ACTN4: variants seen among roughly 807,000 people sequenced by gnomAD.
The protein encoded by ACTN4 is actinin alpha 4, also known as alpha-actinin-4.
ACTN4 carries 18 observed loss-of-function variants against 114.2 expected under a neutral mutation model. That is an observed-to-expected ratio of 0.16 (90% confidence interval 0.11 to 0.23). The LOEUF is 0.23. Ranked by LOEUF, ACTN4 falls within the 10% of genes least tolerant of loss-of-function variation. The pLI is 1.00. For synonymous variants in ACTN4, 515 were observed against 506.3 expected, an observed-to-expected ratio of 1.02 and a Z score of -0.23; for missense variants, 722 against 1,262.9, an observed-to-expected ratio of 0.57 and a Z score of 6.49.
At chr19:38,665,342 A>G (rs1159294857) in intron 1 of ACTN4, among the ~76,000 whole-genome samples, 1 of 152,154 alleles carries the variant, frequency 6.6e-6, no homozygotes, top group Non-Finnish European at 1.5e-5. Context: ...AAGGGGCATC[A>G]TCCTATCCTC....
rs201128110 is a variant in ACTN4, at chr19:38,718,062, G to A, written c.1279G>A (p.Ala427Thr). 617 of 1,608,976 alleles carry A rather than the reference G, an allele frequency of 3.8e-4. No individual in the cohort carries two copies. The highest frequency in any genetic ancestry group is 5.0e-4 in the Non-Finnish European group (592 of 1,177,888). The change falls in exon 11 of 21, where the codon GCC (alanine) becomes ACC (threonine). Residue 427 changes from alanine (A) to threonine (T), a missense_variant. Ala to Thr is a moderately conservative substitution (Grantham distance 58, BLOSUM62 0). Transcript: ENST00000252699. Reference sequence around the variant, plus strand: ...CCGGCAGAAGGCCTCCATCCACGAGGCCTGGACTGACGGTACGGCCCAGCT... The same window carrying A: ...CCGGCAGAAGGCCTCCATCCACGAGACCTGGACTGACGGTACGGCCCAGCT... ...KFRQKASIHE[A>T]WTDGKEAMLK...
At position 38,730,691 on chromosome 19, in the gene ACTN4, C is replaced by T. The variant is rs745969749; in HGVS notation, c.*1259C>T. On this transcript the variant is annotated 3_prime_UTR_variant, in exon 21 of 21. Coordinates refer to ENST00000252699, the MANE Select transcript of ACTN4 (RefSeq NM_004924.6). ...TGTTCTTGTTTCTGAGTGAGGAGTA[C>T]GCAGGCCAGAGTGGTCACCCGGCCG... 4.0e-5 allele frequency: 31 copies of T among 781,472 alleles called. No individual in the cohort carries two copies. The highest frequency in any genetic ancestry group is 3.5e-4 in the Middle Eastern group (1 of 2,874). The allele number at this position is 781,472 out of a possible 1,614,324, so 48.4% of individuals were successfully genotyped here.
intron 1 of ACTN4, among the ~76,000 whole-genome samples, chr19:38,681,976 G>A (rs1967591211): frequency 6.6e-6 from 1 of 152,086 alleles, no homozygotes; most frequent in African/African-American, 2.4e-5. Flanking sequence ...GACCACAGGG[G>A]CCTACCACCA....
At chr19:38,691,533 G>A (rs1252075134) in intron 1 of ACTN4, among the ~76,000 whole-genome samples, 1 of 151,942 alleles carries the variant, frequency 6.6e-6, no homozygotes, top group Non-Finnish European at 1.5e-5. Flanking sequence ...TGAGTGATGA[G>A]ACAAAACCAG....
intron 1 of ACTN4, among the ~76,000 whole-genome samples, chr19:38,667,323 G>T (rs1387363659): frequency 6.6e-6 from 1 of 151,982 alleles, no homozygotes; most frequent in Non-Finnish European, 1.5e-5. Flanking sequence ...GAGTTGGTGG[G>T]ATTAAAAAAT....
chr19:38,676,260 A>C (rs1053395330), intron 1 of ACTN4, among the ~76,000 whole-genome samples: 2 of 152,248 alleles, frequency 1.3e-5, no homozygotes, highest in East Asian at 3.8e-4. Flanking sequence ...CCTGAGTTCC[A>C]GAAAGCCAAC....
At chr19:38,698,529 G>A (rs889376271) in intron 1 of ACTN4, among the ~76,000 whole-genome samples, 1 of 152,244 alleles carries the variant, frequency 6.6e-6, no homozygotes, top group South Asian at 2.1e-4. Flanking sequence ...GAGCAAGGGC[G>A]TGATGTGGTC....
intron 1 of ACTN4, among the ~76,000 whole-genome samples, chr19:38,694,385 G>A (rs543016398): frequency 1.3e-5 from 2 of 151,638 alleles, no homozygotes; most frequent in Non-Finnish European, 1.5e-5. Flanking sequence ...TCAGCTTCCC[G>A]AGTAGCTGGG....
chr19:38,695,445 G>T (rs1375178289), intron 1 of ACTN4, among the ~76,000 whole-genome samples: 2 of 152,204 alleles, frequency 1.3e-5, no homozygotes, highest in Non-Finnish European at 2.9e-5. Context: ...GAAACCTTGA[G>T]TTTGCATTTC....
Position 38,724,363 on chromosome 19 carries a change from G to T in ACTN4, c.1875+24G>T, listed in dbSNP as rs370506420. 1 of 1,612,722 alleles carries T rather than the reference G, an allele frequency of 6.2e-7. No homozygotes were observed. The highest frequency in any genetic ancestry group is 8.5e-7 in the Non-Finnish European group (1 of 1,179,732). On this transcript the variant is annotated intron_variant, in intron 15 of 20. Transcript: ENST00000252699. This position sits in a 1 kb window ranked among gnomAD's most constrained non-coding sequence, Gnocchi z 7.0. ...AGGTGGGCCGGGGCCATCCGTAGGG[G>T]CTGGGGCAGGACGGCGGGGCTGGGG...
At chr19:38,711,577 C>T (rs1336852586) in intron 8 of ACTN4, among the ~76,000 whole-genome samples, 1 of 152,232 alleles carries the variant, frequency 6.6e-6, no homozygotes, top group Non-Finnish European at 1.5e-5. Context: ...TCACAGACCT[C>T]TGTTTGAACA....
chr19:38,688,400 A>AAAAC (rs1555830037), intron 1 of ACTN4, among the ~76,000 whole-genome samples: 1 of 150,744 alleles, frequency 6.6e-6, no homozygotes, highest in Non-Finnish European at 1.5e-5. Flanking sequence ...CAAAAAAAAA[A>AAAAC]AAAAAAAAAA....
intron 1 of ACTN4, among the ~76,000 whole-genome samples, chr19:38,690,686 G>A (rs1048645687): frequency 3.9e-5 from 6 of 152,186 alleles, no homozygotes; most frequent in Non-Finnish European, 7.4e-5. Context: ...TGATCTGCCC[G>A]CCTTGGCCTC....
intron 1 of ACTN4, among the ~76,000 whole-genome samples, chr19:38,694,114 A>G (rs538002965): frequency 6.6e-6 from 1 of 152,118 alleles, no homozygotes; most frequent in Non-Finnish European, 1.5e-5. Flanking sequence ...GGCTGGGTGC[A>G]GGCTGCCTTC....
At chr19:38,686,571 T>G (rs1217940095) in intron 1 of ACTN4, among the ~76,000 whole-genome samples, 2 of 152,208 alleles carry the variant, frequency 1.3e-5, no homozygotes, top group Admixed American at 6.5e-5. Flanking sequence ...AGTGTAAGTT[T>G]CCTCTGTTAA....
intron 1 of ACTN4, among the ~76,000 whole-genome samples, chr19:38,691,343 T>C (rs934773439): frequency 1.4e-5 from 2 of 146,500 alleles, no homozygotes; most frequent in Admixed American, 1.4e-4. Flanking sequence ...AGAAGTTGCG[T>C]TGAGCTGAGA....
At chr19:38,668,647 C>T (rs1224596902) in intron 1 of ACTN4, among the ~76,000 whole-genome samples, 1 of 152,064 alleles carries the variant, frequency 6.6e-6, no homozygotes, top group East Asian at 1.9e-4. Flanking sequence ...GGTCGTGCCA[C>T]TGCACTCCAG....
chr19:38,701,248 T>A (rs1968266354), intron 3 of ACTN4, 127 bp downstream of exon 3: 15 of 1,453,472 alleles, frequency 1.0e-5, no homozygotes, highest in Non-Finnish European at 1.4e-5. Context: ...AGAGCCCCAG[T>A]ACATACTCAG....
intron 8 of ACTN4, among the ~76,000 whole-genome samples, chr19:38,713,554 C>T (rs978411773): frequency 1.3e-5 from 2 of 152,194 alleles, no homozygotes; most frequent in South Asian, 2.1e-4. Context: ...GGGGTGTGCA[C>T]GTGCGTGTGT....
Sources: allele counts gnomAD v4.1 joint callset (sites outside exome capture counted in the v4.1 genomes callset), GRCh38; gene constraint gnomAD v4.1.1; non-coding constraint Gnocchi (gnomAD v3.1); transcripts MANE v1.5; gene names NCBI Gene and HGNC (gene_info 2026-07-23, HGNC 2026-07-21).